The following TMPRSS15 variants were observed in gnomAD, a reference collection of about 807,000 sequenced individuals.
The protein encoded by TMPRSS15 is transmembrane serine protease 15, also known as enteropeptidase.
Under a neutral mutation model 125.3 loss-of-function variants are expected in TMPRSS15, and 128 were observed. The ratio of observed to expected loss-of-function variants is 1.02; its 90% CI spans 0.89 to 1.18. The LOEUF is 1.18. Ranked by LOEUF, TMPRSS15 falls within the 50% of genes most tolerant of loss-of-function variation. TMPRSS15 has a pLI of 0.00. For missense variants in TMPRSS15, 1,283 were observed against 1,212.7 expected, an observed-to-expected ratio of 1.06 and a Z score of -0.86; for synonymous variants, 446 against 423.2, an observed-to-expected ratio of 1.05 and a Z score of -0.66.
intron 10 of TMPRSS15, among the ~76,000 whole-genome samples, chr21:18,350,402 T>G (rs1004660653): frequency 1.3e-5 from 2 of 152,136 alleles, no homozygotes; most frequent in Non-Finnish European, 2.9e-5. Flanking sequence ...AAAACTATAT[T>G]CAGAATCTGA....
At chr21:18,386,563 T>C (rs2075945849) in intron 3 of TMPRSS15, among the ~76,000 whole-genome samples, 1 of 152,190 alleles carries the variant, frequency 6.6e-6, no homozygotes, top group Admixed American at 6.5e-5. Context: ...GCACTGCCTT[T>C]TTTCCTCCTC....
At chr21:18,328,336 C>T (rs1032165254) in intron 15 of TMPRSS15, among the ~76,000 whole-genome samples, 2 of 152,048 alleles carry the variant, frequency 1.3e-5, no homozygotes, top group African/African-American at 4.8e-5. Flanking sequence ...GTACTAGAGA[C>T]ACAGCCAAAG....
intron 1 of TMPRSS15, among the ~76,000 whole-genome samples, chr21:18,479,554 A>C (rs960918202): frequency 2.2e-4 from 33 of 152,004 alleles, no homozygotes; most frequent in Non-Finnish European, 1.9e-4. Flanking sequence ...AAACAAACAA[A>C]CAACCCCATC....
At chr21:18,375,115 T>A (rs1021876123) in intron 5 of TMPRSS15, among the ~76,000 whole-genome samples, 2 of 152,240 alleles carry the variant, frequency 1.3e-5, no homozygotes, top group Non-Finnish European at 2.9e-5. Flanking sequence ...ATAAACATTC[T>A]TCAACTGACT....
chr21:18,470,269 TATTCC>T (rs1194392862), intron 1 of TMPRSS15, among the ~76,000 whole-genome samples: 14 of 151,970 alleles, frequency 9.2e-5, no homozygotes, highest in African/African-American at 3.1e-4. Context: ...TCTTGCATAC[TATTCC>T]ATTCCATGTA....
intron 21 of TMPRSS15, among the ~76,000 whole-genome samples, chr21:18,292,135 TA>T (rs2074844684): frequency 6.6e-6 from 1 of 152,224 alleles, no homozygotes; most frequent in Admixed American, 6.5e-5. Flanking sequence ...TTGATGTACT[TA>T]CACACTGCAA....
chr21:18,350,258 G>A (rs118104633), intron 10 of TMPRSS15, among the ~76,000 whole-genome samples: 181 of 152,270 alleles, frequency 1.2e-3, no homozygotes, highest in Non-Finnish European at 2.4e-3. Flanking sequence ...AATTATGTAT[G>A]AGAGTATTCA....
At chr21:18,400,839 G>A (rs902701871) in intron 1 of TMPRSS15, among the ~76,000 whole-genome samples, 4 of 152,036 alleles carry the variant, frequency 2.6e-5, no homozygotes, top group African/African-American at 4.8e-5. Context: ...ATCTGACAAG[G>A]TCTAATATCC....
intron 18 of TMPRSS15, among the ~76,000 whole-genome samples, chr21:18,301,277 A>T (rs894061468): frequency 1.3e-5 from 2 of 152,316 alleles, no homozygotes; most frequent in Non-Finnish European, 2.9e-5. Context: ...AGTCAAACTC[A>T]TTCTTTTTCT....
intron 18 of TMPRSS15, among the ~76,000 whole-genome samples, chr21:18,298,338 T>C (rs2074929998): frequency 6.6e-6 from 1 of 152,220 alleles, no homozygotes; most frequent in African/African-American, 2.4e-5. Context: ...TTTGCTTTGT[T>C]CTTGATATTT....
chr21:18,368,280 C>A (rs1029288071), intron 6 of TMPRSS15, among the ~76,000 whole-genome samples: 1 of 152,168 alleles, frequency 6.6e-6, no homozygotes, highest in African/African-American at 2.4e-5. Context: ...AGCCATGTTA[C>A]GTCTCTAGTT....
intron 1 of TMPRSS15, among the ~76,000 whole-genome samples, chr21:18,479,437 C>T (rs576400157): frequency 6.6e-6 from 1 of 151,900 alleles, no homozygotes; most frequent in African/African-American, 2.4e-5. Context: ...CCTAACTGGG[C>T]ATCATAGTCA....
intron 16 of TMPRSS15, among the ~76,000 whole-genome samples, chr21:18,317,215 T>G (rs1373248695): frequency 6.6e-6 from 1 of 152,158 alleles, no homozygotes; most frequent in Non-Finnish European, 1.5e-5. Flanking sequence ...GAATTATTCC[T>G]GTTGTTTTAG....
intron 10 of TMPRSS15, among the ~76,000 whole-genome samples, chr21:18,346,051 G>A (rs1467596200): frequency 1.3e-5 from 2 of 151,830 alleles, no homozygotes; most frequent in Non-Finnish European, 2.9e-5. Context: ...ATCTTGCCTA[G>A]AGTAAATATC....
upstream of TMPRSS15, among the ~76,000 whole-genome samples, chr21:18,406,838 A>C (rs2076153173): frequency 1.3e-5 from 2 of 152,280 alleles, no homozygotes; most frequent in South Asian, 4.1e-4. Flanking sequence ...ATTATAATAC[A>C]ATTATAATAA....
intron 13 of TMPRSS15, among the ~76,000 whole-genome samples, chr21:18,336,655 T>C (rs1318341297): frequency 6.6e-6 from 1 of 152,170 alleles, no homozygotes; most frequent in South Asian, 2.1e-4. Context: ...AGGCTATTAG[T>C]TTGCTTTGTT....
At chr21:18,374,869 GACT>G (rs1266521824) in intron 5 of TMPRSS15, among the ~76,000 whole-genome samples, 1 of 152,136 alleles carries the variant, frequency 6.6e-6, no homozygotes. Context: ...GAGCTTCAGT[GACT>G]ACGTTTGCTT....
intron 5 of TMPRSS15, 25 bp downstream of exon 5, chr21:18,379,255 AAAT>A (rs1472432808): frequency 2.5e-5 from 30 of 1,208,322 alleles, no homozygotes; most frequent in Non-Finnish European, 3.1e-5. Flanking sequence ...TTCTTTCAAA[AAAT>A]AATAATAATA....
At chr21:18,412,494 C>T (rs1015620970) in intron 1 of TMPRSS15, among the ~76,000 whole-genome samples, 3 of 152,186 alleles carry the variant, frequency 2.0e-5, no homozygotes, top group African/African-American at 7.2e-5. Context: ...CCTCTAAATT[C>T]CCAAGTAAAA....
Sources: allele counts gnomAD v4.1 joint callset (sites outside exome capture counted in the v4.1 genomes callset), GRCh38; gene constraint gnomAD v4.1.1; transcripts MANE v1.5; gene names NCBI Gene and HGNC (gene_info 2026-07-23, HGNC 2026-07-21).